ASXL3: variants seen among roughly 807,000 people sequenced by gnomAD.
The protein encoded by ASXL3 is putative Polycomb group protein ASXL3.
In ASXL3, 34 loss-of-function variants were observed where a neutral mutation model predicts 170.6. The ratio of observed to expected loss-of-function variants is 0.20; its 90% CI spans 0.15 to 0.27. ASXL3 has a LOEUF of 0.27. Among genes scored for constraint, ASXL3 ranks in the 10% least tolerant of loss-of-function variants. The pLI is 1.00. For missense variants in ASXL3, 2,592 were observed against 2,695.3 expected (o/e 0.96, Z 0.85); for synonymous variants, 1,002 against 989.1 (o/e 1.01, Z -0.24).
At position 33,746,321 on chromosome 18, in the gene ASXL3, A is replaced by G; in HGVS notation, c.6473A>G (p.His2158Arg). The change falls in exon 12 of 12, where the codon CAC becomes CGC. Residue 2158 changes from histidine (H) to arginine (R), a missense_variant. Coordinates refer to ENST00000269197, the MANE Select transcript of ASXL3 (RefSeq NM_030632.3). ...QQLCGNYPTI[H>R]FGSTSFKRAA... is the part of the protein sequence containing the mutation. ...CTCTGTGGAAATTATCCAACAATAC[A>G]CTTTGGTAGCACGAGTTTCAAAAGG... is the stretch of plus-strand genomic sequence containing the variant. The G allele has an allele frequency of 6.2e-7, 1 of 1,613,950 alleles. No homozygotes were observed. The highest frequency in any genetic ancestry group is 8.5e-7 in the Non-Finnish European group (1 of 1,179,884).
chr18:33,737,818 A>G (rs1336218827), intron 10 of ASXL3, among the ~76,000 whole-genome samples: 4 of 152,152 alleles, frequency 2.6e-5, no homozygotes, highest in Non-Finnish European at 5.9e-5. Context: ...ACTCATTTCA[A>G]TTTCAGAATT....
chr18:33,642,393 T>TA (rs1418965808), intron 2 of ASXL3, among the ~76,000 whole-genome samples: 1 of 151,828 alleles, frequency 6.6e-6, no homozygotes, highest in African/African-American at 2.4e-5. Context: ...ATTGTTTTTT[T>TA]AAAAAAACGG....
intron 7 of ASXL3, among the ~76,000 whole-genome samples, chr18:33,673,832 T>C (rs1175985945): frequency 2.0e-5 from 3 of 152,222 alleles, no homozygotes; most frequent in African/African-American, 7.2e-5. Flanking sequence ...TTAAATATCG[T>C]GTTGCTGAAG....
intron 1 of ASXL3, among the ~76,000 whole-genome samples, chr18:33,585,718 G>C (rs543953035): frequency 1.3e-5 from 2 of 152,262 alleles, no homozygotes; most frequent in African/African-American, 4.8e-5. Flanking sequence ...GACATCCAAG[G>C]CCTTAGCTTT....
At chr18:33,642,432 A>G (rs989062194) in intron 2 of ASXL3, among the ~76,000 whole-genome samples, 1 of 151,958 alleles carries the variant, frequency 6.6e-6, no homozygotes, top group Admixed American at 6.6e-5. Flanking sequence ...TCCTCCATAA[A>G]GGAATGAAAC....
intron 2 of ASXL3, among the ~76,000 whole-genome samples, chr18:33,635,469 G>T (rs752252752): frequency 4.6e-5 from 7 of 152,204 alleles, no homozygotes; most frequent in Non-Finnish European, 8.8e-5. Flanking sequence ...TGGAGGCAGA[G>T]ATAGGCACCA....
At chr18:33,589,760 T>C (rs1421759409) in intron 1 of ASXL3, among the ~76,000 whole-genome samples, 1 of 152,186 alleles carries the variant, frequency 6.6e-6, no homozygotes, top group Non-Finnish European at 1.5e-5. Flanking sequence ...ATAAAATTAT[T>C]ACTAAAGGAC....
intron 8 of ASXL3, among the ~76,000 whole-genome samples, chr18:33,719,590 A>G (rs2067223969): frequency 6.6e-6 from 1 of 152,050 alleles, no homozygotes; most frequent in Non-Finnish European, 1.5e-5. Context: ...CTAGAGTCTG[A>G]AGGTTTGTGT....
chr18:33,720,629 T>A (rs1347937298), intron 8 of ASXL3, among the ~76,000 whole-genome samples: 1 of 152,152 alleles, frequency 6.6e-6, no homozygotes. Flanking sequence ...TGTCCCAAGA[T>A]GTGGCCAAAG....
chr18:33,690,083 C>G (rs543281766), intron 8 of ASXL3, among the ~76,000 whole-genome samples: 5 of 152,132 alleles, frequency 3.3e-5, no homozygotes, highest in African/African-American at 9.6e-5. Context: ...GTCTTGAACT[C>G]CTGTCCTCAT....
At chr18:33,624,863 T>C (rs2065575842) in intron 2 of ASXL3, among the ~76,000 whole-genome samples, 2 of 152,188 alleles carry the variant, frequency 1.3e-5, no homozygotes, top group African/African-American at 4.8e-5. Context: ...TTAATATTTA[T>C]TGAACATTCA....
intron 10 of ASXL3, among the ~76,000 whole-genome samples, 190 bp from the exon 11 acceptor site, chr18:33,738,296 AT>A (rs2067582539): frequency 6.6e-6 from 1 of 152,158 alleles, no homozygotes; most frequent in Admixed American, 6.5e-5. Flanking sequence ...AAAGCAGAGT[AT>A]TAGTTGAGAT....
intron 8 of ASXL3, among the ~76,000 whole-genome samples, chr18:33,712,223 T>C (rs1179188852): frequency 6.6e-6 from 1 of 152,232 alleles, no homozygotes. Context: ...TTATTTATTG[T>C]AGAATATATT....
Position 33,711,102 on chromosome 18 carries a change from T to C in ASXL3, c.880-20866T>C, listed in dbSNP as rs1354289986. Among the ~76,000 whole-genome samples, 7 of 152,314 alleles carry C rather than the reference T, an allele frequency of 4.6e-5. No individual in the cohort carries two copies. The East Asian group carries it at 1.3e-3, about 29-fold the overall frequency. On this transcript the variant is annotated intron_variant, in intron 8 of 11. Transcript: ENST00000269197. ...TAGCCCCAGAGTCCAATTTTGTCATTTTAGAATGAATGTAGAGATCATGGT... is the reference window on the plus strand; with the variant it reads ...TAGCCCCAGAGTCCAATTTTGTCATCTTAGAATGAATGTAGAGATCATGGT...
At chr18:33,637,433 A>G (rs543601534) in intron 2 of ASXL3, among the ~76,000 whole-genome samples, 9 of 152,234 alleles carry the variant, frequency 5.9e-5, no homozygotes, top group Non-Finnish European at 1.3e-4. Context: ...AACACATTTG[A>G]GAATGTTTTT....
intron 7 of ASXL3, among the ~76,000 whole-genome samples, chr18:33,677,291 T>C (rs2066444484): frequency 6.6e-6 from 1 of 152,186 alleles, no homozygotes. Context: ...CCACATCTTT[T>C]CATACAAAAT....
intron 1 of ASXL3, among the ~76,000 whole-genome samples, chr18:33,590,688 T>C (rs1050219300): frequency 6.6e-6 from 1 of 152,174 alleles, no homozygotes; most frequent in African/African-American, 2.4e-5. Flanking sequence ...AGGCATCCAT[T>C]ACAAAGAACC....
chr18:33,672,270 C>T (rs926634614), intron 7 of ASXL3, among the ~76,000 whole-genome samples: 3 of 152,050 alleles, frequency 2.0e-5, no homozygotes, highest in African/African-American at 7.2e-5. Flanking sequence ...AGTACATTGT[C>T]AGTGGGGTCT....
chr18:33,646,598 T>G (rs2065918287), intron 4 of ASXL3, among the ~76,000 whole-genome samples: 2 of 152,068 alleles, frequency 1.3e-5, no homozygotes, highest in Non-Finnish European at 2.9e-5. Flanking sequence ...TAAATACTTC[T>G]TTAAGTATCA....
Sources: gnomAD v4.1 joint callset for allele counts (sites outside exome capture counted in the v4.1 genomes callset) on GRCh38, gnomAD v4.1.1 for gene constraint, MANE v1.5 for transcripts, NCBI Gene and HGNC (gene_info 2026-07-23, HGNC 2026-07-21) for gene names.